The following MIXL1 variants were observed in gnomAD, a reference collection of about 807,000 sequenced individuals.
MIXL1 encodes the protein homeobox protein MIXL1.
MIXL1 carries 9 observed loss-of-function variants against 9.3 expected under a neutral mutation model. That is an observed-to-expected ratio of 0.97 (90% CI 0.58 to 1.69). The LOEUF (loss-of-function observed/expected upper bound fraction) is 1.69, where lower values mean the gene tolerates loss of function less well. Ranked by LOEUF, MIXL1 falls within the 40% of genes most tolerant of loss-of-function variation. The pLI is 0.00. For synonymous variants in MIXL1, 164 were observed against 155.6 expected, an observed-to-expected ratio of 1.05 and a Z score of -0.40; for missense variants, 330 against 331.7, an observed-to-expected ratio of 0.99 and a Z score of 0.04.
At position 226,225,716 on chromosome 1, in the gene MIXL1, T is replaced by C; in HGVS notation, c.603T>C (p.Gly201=). The part of the protein sequence containing the change: ...GGGISDSSSQ[G]QNFETCSPLS... ...GCATCTCTGACTCTAGCTCCCAAGG[T>C]CAGAATTTTGAAACCTGTTCCCCTC... The change falls in exon 2 of 2, where the codon GGT becomes GGC. Residue 201 remains glycine, a synonymous_variant. Coordinates refer to ENST00000366810, the MANE Select transcript of MIXL1 (RefSeq NM_031944.3). 6.2e-7 allele frequency: 1 copy of C among 1,614,070 alleles called. No homozygotes were observed. The highest frequency in any genetic ancestry group is 8.5e-7 in the Non-Finnish European group (1 of 1,179,956).
At chr1:226,224,322 C>T (rs1052790172) in intron 1 of MIXL1, among the ~76,000 whole-genome samples, 31 of 152,270 alleles carry the variant, frequency 2.0e-4, no homozygotes, top group Middle Eastern at 3.4e-3. Context: ...AATAAGGGCT[C>T]CTAGGAGGCT....
Position 226,226,123 on chromosome 1 carries a change from T to C in MIXL1, c.*311T>C, listed in dbSNP as rs1657154682. On this transcript the variant is annotated 3_prime_UTR_variant, in exon 2 of 2. Transcript: ENST00000366810. ...TGTTTTTAGTTTTTGGACTGGTTGT[T>C]CAGAACTCATTATTTTCTTCACAAG... 1 of 250,030 alleles carries C rather than the reference T, an allele frequency of 4.0e-6. No homozygotes were observed. The highest frequency in any genetic ancestry group is 2.2e-5 in the African/African-American group (1 of 44,656). The allele number at this position is 250,030 out of a possible 1,614,324, so 15.5% of individuals were successfully genotyped here.
At chr1:226,225,428 T>TA in intron 1 of MIXL1, 79 bp from the exon 2 acceptor site, 1 of 1,499,470 alleles carries the variant, frequency 6.7e-7, no homozygotes, top group South Asian at 1.3e-5. Context: ...AACTGGAACT[T>TA]ACCAGTATGA....
Position 226,226,052 on chromosome 1 carries a change from C to A in MIXL1, c.*240C>A, listed in dbSNP as rs548659165. On this transcript the variant is annotated 3_prime_UTR_variant, in exon 2 of 2. Transcript: ENST00000366810. ...CGTTTTTACCTGTGTTCTCTCCAAGCCTGCACATTCCATTGGTCTGCATCC... is the reference window on the plus strand; with the variant it reads ...CGTTTTTACCTGTGTTCTCTCCAAGACTGCACATTCCATTGGTCTGCATCC... The A allele has an allele frequency of 2.3e-4, 109 of 470,088 alleles. No homozygotes were observed. The South Asian group carries it at 2.5e-3, about 11-fold the overall frequency. 29.1% of individuals were successfully genotyped at this position (470,088 alleles called of 1,614,324 possible).
rs773704383 is a variant in MIXL1 at position 226,225,513 on chromosome 1, T to G, written c.400T>G (p.Phe134Val). 6.2e-7 allele frequency: 1 copy of G among 1,614,092 alleles called. No individual in the cohort carries two copies. The highest frequency in any genetic ancestry group is 8.5e-7 in the Non-Finnish European group (1 of 1,179,986). The change falls in exon 2 of 2, where the codon TTC (phenylalanine) becomes GTC (valine). Residue 134 changes from phenylalanine (F) to valine (V), a missense_variant. Phe to Val is a conservative substitution (Grantham distance 50). Transcript: ENST00000366810. Reference sequence around the variant, plus strand: ...ATTTTCTCCCCTCTTCCAGGTATGGTTCCAGAACAGGCGTGCCAAGTCTCG... The same window carrying G: ...ATTTTCTCCCCTCTTCCAGGTATGGGTCCAGAACAGGCGTGCCAAGTCTCG... ...LLPESRIQVW[F>V]QNRRAKSRRQ...
At position 226,225,968 on chromosome 1, in the gene MIXL1, C is replaced by A. The variant is rs1657151142; in HGVS notation, c.*156C>A. On this transcript the variant is annotated 3_prime_UTR_variant, in exon 2 of 2. Transcript: ENST00000366810. ...ACAGCACCTCTCACATTTGAAGGTA[C>A]CCCGCCACTTTGTCAATGACGTTTT... The A allele has an allele frequency of 8.8e-6, 6 of 684,432 alleles. No homozygotes were observed. The highest frequency in any genetic ancestry group is 1.5e-5 in the Non-Finnish European group (6 of 402,408). 42.4% of individuals were successfully genotyped at this position (684,432 alleles called of 1,614,324 possible).
Position 226,225,540 on chromosome 1 carries a change from C to T in MIXL1, c.427C>T (p.Arg143Cys). The T allele has an allele frequency of 6.2e-7, 1 of 1,614,222 alleles. No individual in the cohort carries two copies. Among genetic ancestry groups the T allele is most frequent in the African/African-American group, 1.3e-5 (1 of 75,066 alleles). The change falls in exon 2 of 2, where the codon CGT (arginine) becomes TGT (cysteine). Residue 143 changes from arginine to cysteine, a missense_variant. Arg to Cys is a radical substitution (Grantham distance 180, BLOSUM62 -3). Transcript: ENST00000366810. ...WFQNRRAKSRRQSGKSFQPLA... is the reference protein window; with the variant it reads ...WFQNRRAKSRCQSGKSFQPLA... ...CCAGAACAGGCGTGCCAAGTCTCGG[C>T]GTCAGAGTGGGAAATCCTTCCAACC...
chr1:226,225,604 C>T lies in MIXL1; in HGVS notation c.491C>T (p.Pro164Leu). ...RPEIILNHCA[P>L]GTETKCLKPQ... is the part of the protein sequence containing the mutation. ...GAGATTATCCTCAACCACTGTGCTC[C>T]TGGAACTGAAACGAAATGTCTGAAG... is the stretch of plus-strand genomic sequence containing the variant. Residue 164 changes from proline (P) to leucine (L), a missense_variant, in exon 2 of 2, where the codon CCT becomes CTT. By Grantham distance (98) the Pro-to-Leu change is moderately conservative (BLOSUM62 -3). Coordinates refer to ENST00000366810, the MANE Select transcript of MIXL1 (RefSeq NM_031944.3). The T allele has an allele frequency of 3.7e-6, 6 of 1,614,232 alleles. No individual in the cohort carries two copies. Among genetic ancestry groups the T allele is most frequent in the Non-Finnish European group, 5.1e-6 (6 of 1,180,042 alleles).
rs1184344957 is a variant in MIXL1, at chr1:226,226,058, C to T, written c.*246C>T. The T allele has an allele frequency of 6.6e-6, 3 of 457,476 alleles. No homozygotes were observed. The highest frequency in any genetic ancestry group is 1.2e-5 in the Non-Finnish European group (3 of 253,918). 28.3% of individuals were successfully genotyped at this position (457,476 alleles called of 1,614,324 possible). A position where few individuals can be genotyped will look rare whatever the true frequency, so the allele number is the denominator to read the frequency against. ...TACCTGTGTTCTCTCCAAGCCTGCACATTCCATTGGTCTGCATCCCTATGC... is the reference window on the plus strand; with the variant it reads ...TACCTGTGTTCTCTCCAAGCCTGCATATTCCATTGGTCTGCATCCCTATGC... On this transcript the variant is annotated 3_prime_UTR_variant, in exon 2 of 2. Transcript: ENST00000366810.
intron 1 of MIXL1, among the ~76,000 whole-genome samples, chr1:226,224,696 A>G (rs1224713974): frequency 1.3e-5 from 2 of 152,056 alleles, no homozygotes; most frequent in East Asian, 3.9e-4. Context: ...CTGGAGTGCA[A>G]TGGCGCGATC....
chr1:226,224,091 T>G lies in MIXL1; in HGVS notation c.393+17T>G. ...AGGATCCAGGTGAGGGCCCGCTGCG[T>G]TCGCAAGTGCGCGCTGGAGCGGAGG... On this transcript the variant is annotated intron_variant, in intron 1 of 1. Coordinates refer to ENST00000366810, the MANE Select transcript of MIXL1 (RefSeq NM_031944.3). 8 of 1,293,564 alleles carry G rather than the reference T, an allele frequency of 6.2e-6. No individual in the cohort carries two copies. The highest frequency in any genetic ancestry group is 3.2e-5 in the Admixed American group (1 of 31,046). The allele number at this position is 1,293,564 out of a possible 1,614,324, so 80.1% of individuals were successfully genotyped here.
At chr1:226,224,317 G>A (rs1022531892) in intron 1 of MIXL1, among the ~76,000 whole-genome samples, 5 of 152,314 alleles carry the variant, frequency 3.3e-5, no homozygotes, top group African/African-American at 1.2e-4. Flanking sequence ...AATATAATAA[G>A]GGCTCCTAGG....
chr1:226,223,811 C>A lies in MIXL1; in HGVS notation c.130C>A (p.Pro44Thr). The A allele has an allele frequency of 8.2e-7, 1 of 1,225,488 alleles. No homozygotes were observed. Among genetic ancestry groups the A allele is most frequent in the Non-Finnish European group, 1.0e-6 (1 of 984,852 alleles). The allele number at this position is 1,225,488 out of a possible 1,614,324, so 75.9% of individuals were successfully genotyped here. The change falls in exon 1 of 2, where the codon CCC becomes ACC. Residue 44 changes from proline (P) to threonine (T), a missense_variant. Coordinates refer to ENST00000366810, the MANE Select transcript of MIXL1 (RefSeq NM_031944.3). ...TGCGGCAGCCCTGCTCCCTGCGCCG[C>A]CCGCGGGCCCCGGCCCAGCGACCTT... ...SPAAALLPAPPAGPGPATFAG... is the reference protein window; with the variant it reads ...SPAAALLPAPTAGPGPATFAG...
At chr1:226,224,831 G>C (rs1411917259) in intron 1 of MIXL1, among the ~76,000 whole-genome samples, 4 of 152,086 alleles carry the variant, frequency 2.6e-5, no homozygotes, top group Non-Finnish European at 5.9e-5. Flanking sequence ...GTAGAGACGG[G>C]GTTTTACCAT....
intron 1 of MIXL1, among the ~76,000 whole-genome samples, chr1:226,225,062 T>C (rs1043840057): frequency 6.6e-6 from 1 of 152,214 alleles, no homozygotes; most frequent in Non-Finnish European, 1.5e-5. Flanking sequence ...ATTTAAACAC[T>C]GGGAGAGTGG....
At position 226,223,821 on chromosome 1, in the gene MIXL1, C is replaced by G. The variant is rs1444031916; in HGVS notation, c.140C>G (p.Pro47Arg). ...CTGCTCCCTGCGCCGCCCGCGGGCC[C>G]CGGCCCAGCGACCTTTGCGGGCTTC... ...AALLPAPPAG[P>R]GPATFAGFLG... The change falls in exon 1 of 2, where the codon CCC becomes CGC. Residue 47 changes from proline to arginine, a missense_variant. Physicochemically the swap from Pro to Arg is moderately radical, Grantham distance 103 (BLOSUM62 -2). Coordinates refer to ENST00000366810, the MANE Select transcript of MIXL1 (RefSeq NM_031944.3). The G allele has an allele frequency of 1.6e-6, 2 of 1,216,796 alleles. No homozygotes were observed. Among genetic ancestry groups the G allele is most frequent in the Non-Finnish European group, 2.0e-6 (2 of 979,924 alleles). The allele number at this position is 1,216,796 out of a possible 1,614,324, so 75.4% of individuals were successfully genotyped here. A position where few individuals can be genotyped will look rare whatever the true frequency, so the allele number is the denominator to read the frequency against.
chr1:226,223,813 C>T lies in MIXL1; in HGVS notation c.132C>T (p.Pro44=), dbSNP rs1657076523. The change falls in exon 1 of 2, where the codon CCC becomes CCT. Residue 44 remains proline (P), a synonymous_variant. Transcript: ENST00000366810. ...SPAAALLPAP[P]AGPGPATFAG... The stretch of plus-strand genomic sequence containing the variant: ...CGGCAGCCCTGCTCCCTGCGCCGCC[C>T]GCGGGCCCCGGCCCAGCGACCTTTG... 8.2e-7 allele frequency: 1 copy of T among 1,225,268 alleles called. No homozygotes were observed. Among genetic ancestry groups the T allele is most frequent in the Middle Eastern group, 3.1e-4 (1 of 3,218 alleles). The allele number at this position is 1,225,268 out of a possible 1,614,324, so 75.9% of individuals were successfully genotyped here.
chr1:226,224,151 G>A (rs1394365979), intron 1 of MIXL1, 77 bp downstream of exon 1: 13 of 1,214,368 alleles, frequency 1.1e-5, no homozygotes, highest in Non-Finnish European at 1.3e-5. Context: ...GCGGGCTCCT[G>A]AGGCCACACC....
Position 226,225,871 on chromosome 1 carries a change from A to G in MIXL1, c.*59A>G. The G allele has an allele frequency of 7.3e-7, 1 of 1,364,708 alleles. No homozygotes were observed. Among genetic ancestry groups the G allele is most frequent in the South Asian group, 1.3e-5 (1 of 76,144 alleles). The allele number at this position is 1,364,708 out of a possible 1,614,324, so 84.5% of individuals were successfully genotyped here. ...AGCCATGACTGACAGCCTGGGAGAG[A>G]CACATCAGCATACTGTCCTTTCTGA... On this transcript the variant is annotated 3_prime_UTR_variant, in exon 2 of 2. Coordinates refer to ENST00000366810, the MANE Select transcript of MIXL1 (RefSeq NM_031944.3).
Sources: gnomAD v4.1 joint callset for allele counts (sites outside exome capture counted in the v4.1 genomes callset) on GRCh38, gnomAD v4.1.1 for gene constraint, MANE v1.5 for transcripts, NCBI Gene and HGNC (gene_info 2026-07-23, HGNC 2026-07-21) for gene names.